The following KLHL1 variants were observed in gnomAD, a reference collection of about 807,000 sequenced individuals.
The protein encoded by KLHL1 is kelch-like protein 1.
KLHL1 carries 47 observed loss-of-function variants against 77.7 expected under a neutral mutation model. That is an observed-to-expected ratio of 0.60 (90% CI 0.48 to 0.77). The LOEUF is 0.77. Among genes scored for constraint, KLHL1 ranks in the 30% least tolerant of loss-of-function variants. KLHL1 has a pLI of 0.00. For missense variants in KLHL1, 925 were observed against 910.8 expected (o/e 1.02, Z -0.20); for synonymous variants, 360 against 325.2 (o/e 1.11, Z -1.15).
intron 1 of KLHL1, among the ~76,000 whole-genome samples, chr13:70,056,768 G>A: frequency 6.6e-6 from 1 of 151,900 alleles, no homozygotes; most frequent in East Asian, 1.9e-4. Context: ...TAAATTTCAT[G>A]AAACAAATGA....
At chr13:69,939,563 T>A (rs545021785) in intron 4 of KLHL1, among the ~76,000 whole-genome samples, 1 of 151,798 alleles carries the variant, frequency 6.6e-6, no homozygotes, top group Non-Finnish European at 1.5e-5. Flanking sequence ...AAGGTAGATA[T>A]GCCTGGGGCA....
chr13:69,893,015 A>C (rs1881483837), intron 4 of KLHL1, among the ~76,000 whole-genome samples: 1 of 152,206 alleles, frequency 6.6e-6, no homozygotes, highest in Admixed American at 6.5e-5. Flanking sequence ...ACATTTAAAA[A>C]TCACAAGACT....
intron 3 of KLHL1, among the ~76,000 whole-genome samples, chr13:69,943,020 C>G (rs958470331): frequency 2.6e-5 from 4 of 152,062 alleles, no homozygotes; most frequent in Admixed American, 2.6e-4. Flanking sequence ...AGAATCCATA[C>G]TAGTTGTTCT....
At chr13:69,816,317 G>A (rs1878120821) in intron 6 of KLHL1, among the ~76,000 whole-genome samples, 1 of 150,170 alleles carries the variant, frequency 6.7e-6, no homozygotes, top group Admixed American at 6.6e-5. Flanking sequence ...CTGGAGTGCA[G>A]TAGCACAATC....
intron 1 of KLHL1, among the ~76,000 whole-genome samples, chr13:70,090,263 T>G (rs1265068956): frequency 6.6e-6 from 1 of 152,156 alleles, no homozygotes; most frequent in Non-Finnish European, 1.5e-5. Flanking sequence ...GCCAAACTAG[T>G]GATCTGCCTA....
intron 7 of KLHL1, among the ~76,000 whole-genome samples, chr13:69,742,294 A>G (rs1874019769): frequency 1.3e-5 from 2 of 152,206 alleles, no homozygotes; most frequent in East Asian, 3.8e-4. Context: ...TTTGGAGACA[A>G]GAACTATCTC....
intron 1 of KLHL1, among the ~76,000 whole-genome samples, chr13:70,058,574 C>T (rs149058715): frequency 3.2e-4 from 48 of 152,088 alleles, no homozygotes; most frequent in East Asian, 2.9e-3. Flanking sequence ...AAATTGAGGA[C>T]GTCCAATATG....
chr13:69,999,948 A>G (rs1885246512), intron 1 of KLHL1, among the ~76,000 whole-genome samples: 1 of 151,968 alleles, frequency 6.6e-6, no homozygotes, highest in African/African-American at 2.4e-5. Flanking sequence ...TTGATCCCTT[A>G]TGTTGGAGGT....
rs77790836 is a variant in KLHL1, at chr13:69,863,468, A to G, written c.1227+18815T>C. 1.2e-4 allele frequency among the ~76,000 whole-genome samples: 16 copies of G among 134,664 alleles called. No individual in the cohort carries two copies. The East Asian group carries it at 3.4e-3, about 29-fold the overall frequency. 88.3% of individuals were successfully genotyped at this position (134,664 alleles called of 152,430 possible). ...AGAATTTGGTGTTGAATGAATTCTG[A>G]ATAGAGTGTATATGAAAAAAAAACA... On this transcript the variant is annotated intron_variant, in intron 5 of 10. Transcript: ENST00000377844.
chr13:69,705,011 C>A (rs1307805535), intron 10 of KLHL1, among the ~76,000 whole-genome samples: 1 of 151,646 alleles, frequency 6.6e-6, no homozygotes, highest in African/African-American at 2.4e-5. Flanking sequence ...ATTCATATTA[C>A]CTCCTACTCC....
At chr13:69,977,568 A>T (rs1354774859) in intron 1 of KLHL1, among the ~76,000 whole-genome samples, 1 of 152,136 alleles carries the variant, frequency 6.6e-6, no homozygotes, top group Admixed American at 6.6e-5. Context: ...AAATGATGGG[A>T]CAAAAGCCAT....
intron 1 of KLHL1, among the ~76,000 whole-genome samples, chr13:70,048,377 T>C (rs1335957935): frequency 2.6e-5 from 4 of 152,190 alleles, no homozygotes; most frequent in Non-Finnish European, 2.9e-5. Context: ...TTAACTATAT[T>C]TGAATGATGA....
In KLHL1 at chr13:70,060,463, TC is replaced by T. The variant is rs1207062013; in HGVS notation, c.497+46739del. Among the ~76,000 whole-genome samples the T allele has an allele frequency of 2.0e-5, 3 of 151,846 alleles. No homozygotes were observed. The East Asian group carries it at 5.8e-4, about 29-fold the overall frequency. On this transcript the variant is annotated intron_variant, in intron 1 of 10. Coordinates refer to ENST00000377844, the MANE Select transcript of KLHL1 (RefSeq NM_020866.3). ...CAATATTTTAAAGACACACCTGCCC[TC>T]CCATGTTTATTGCTGCACTATTTAC...
chr13:69,928,149 G>T (rs914556272), intron 4 of KLHL1, among the ~76,000 whole-genome samples: 2 of 152,184 alleles, frequency 1.3e-5, no homozygotes, highest in African/African-American at 4.8e-5. Flanking sequence ...AATTGCTTAA[G>T]ATGTTTTTCA....
chr13:70,077,337 C>T (rs1447076473), intron 1 of KLHL1, among the ~76,000 whole-genome samples: 1 of 151,704 alleles, frequency 6.6e-6, no homozygotes, highest in East Asian at 1.9e-4. Flanking sequence ...ATGTATACTG[C>T]TAAATGAAAT....
chr13:70,010,389 T>C (rs955802316), intron 1 of KLHL1, among the ~76,000 whole-genome samples: 2 of 152,140 alleles, frequency 1.3e-5, no homozygotes, highest in Non-Finnish European at 2.9e-5. Flanking sequence ...AAGTTTGCTT[T>C]GGGGCATTCT....
At chr13:69,711,311 A>T (rs540796438) in intron 9 of KLHL1, among the ~76,000 whole-genome samples, 2 of 152,206 alleles carry the variant, frequency 1.3e-5, no homozygotes, top group East Asian at 3.9e-4. Flanking sequence ...AAACAAAAAC[A>T]AATTAAAAAC....
At chr13:69,992,671 C>A (rs117362860) in intron 1 of KLHL1, among the ~76,000 whole-genome samples, 1 of 152,058 alleles carries the variant, frequency 6.6e-6, no homozygotes, top group Non-Finnish European at 1.5e-5. Context: ...CCTTATTTTA[C>A]TTCATTATTC....
intron 1 of KLHL1, among the ~76,000 whole-genome samples, chr13:70,006,994 A>G (rs945233640): frequency 5.3e-5 from 8 of 152,002 alleles, no homozygotes; most frequent in South Asian, 2.1e-4. Flanking sequence ...AGTTGATAAT[A>G]TTATTGATGA....
Sources: allele counts gnomAD v4.1 joint callset (sites outside exome capture counted in the v4.1 genomes callset), GRCh38; gene constraint gnomAD v4.1.1; transcripts MANE v1.5; gene names NCBI Gene and HGNC (gene_info 2026-07-23, HGNC 2026-07-21).